Variants in POLR1A observed in about 807,000 individuals in gnomAD.
The protein encoded by POLR1A is DNA-directed RNA polymerase I subunit RPA1.
Under a neutral mutation model 205.3 loss-of-function variants are expected in POLR1A, and 84 were observed. That is an observed-to-expected ratio of 0.41 (90% CI 0.34 to 0.49). The LOEUF (loss-of-function observed/expected upper bound fraction) is 0.49. Ranked by LOEUF, POLR1A falls within the 20% of genes least tolerant of loss-of-function variation. POLR1A has a pLI of 0.22. For missense variants in POLR1A, 1,645 were observed against 2,204.5 expected (o/e 0.75, Z 5.08); for synonymous variants, 799 against 863.7 (o/e 0.93, Z 1.31).
chr2:86,028,667 T>C lies in POLR1A; in HGVS notation c.4824A>G (p.Ile1608Met), dbSNP rs35093541. Residue 1608 changes from isoleucine to methionine, a missense_variant, in exon 32 of 34, where the codon ATA becomes ATG. By Grantham distance (10) the Ile-to-Met change is conservative (BLOSUM62 1). Coordinates refer to ENST00000263857, the MANE Select transcript of POLR1A (RefSeq NM_015425.6). This position sits in a 1 kb window ranked among gnomAD's most constrained non-coding sequence, Gnocchi z 4.5. ...CGGCCTCAATGCCATACGTGTTGGC[T>C]ATGGCGTGGATGTCGTTGGAGTAGA... ...RRLYSNDIHA[I>M]ANTYGIEAAL... 2.4e-3 allele frequency: 3,798 copies of C among 1,614,160 alleles called. 81 individuals are homozygous for C. In the African/African-American group the frequency reaches 0.043, roughly 18 times the overall value.
Position 86,070,303 on chromosome 2 carries a change from G to C in POLR1A, c.1612-31C>G. On this transcript the variant is annotated intron_variant, in intron 12 of 33. Transcript: ENST00000263857. This position sits in a 1 kb window ranked among gnomAD's most constrained non-coding sequence, Gnocchi z 4.4. ...AACAGAGTGGACAGGTGGGTGATCA[G>C]TGCAAACGTCAGTATCACCACGGCT... 3.2e-6 allele frequency: 5 copies of C among 1,570,878 alleles called. No individual in the cohort carries two copies. The highest frequency in any genetic ancestry group is 4.3e-6 in the Non-Finnish European group (5 of 1,153,964).
chr2:86,088,765 G>C lies in POLR1A; in HGVS notation c.626+20C>G, dbSNP rs753399815. ...ACTGCCCAGAGACGTCTCACCTGGCGCAAGGGCCCTGATACTTACTTGCAG... is the reference window on the plus strand; with the variant it reads ...ACTGCCCAGAGACGTCTCACCTGGCCCAAGGGCCCTGATACTTACTTGCAG... On this transcript the variant is annotated intron_variant, in intron 5 of 33. Transcript: ENST00000263857. 6.2e-7 allele frequency: 1 copy of C among 1,608,020 alleles called. No individual in the cohort carries two copies. Among genetic ancestry groups the C allele is most frequent in the East Asian group, 2.2e-5 (1 of 44,846 alleles).
intron 24 of POLR1A, among the ~76,000 whole-genome samples, chr2:86,040,937 G>T (rs1672589559): frequency 6.6e-6 from 1 of 152,122 alleles, no homozygotes; most frequent in Non-Finnish European, 1.5e-5. Flanking sequence ...ACAATTTGGA[G>T]ACAGTTTAAA....
chr2:86,068,982 T>C (rs1383813360), intron 13 of POLR1A, among the ~76,000 whole-genome samples: 4 of 152,216 alleles, frequency 2.6e-5, no homozygotes, highest in Admixed American at 2.6e-4. Context: ...GCACAAACCC[T>C]AGGAAGATCC....
intron 6 of POLR1A, among the ~76,000 whole-genome samples, chr2:86,088,156 G>A (rs1246261896): frequency 6.6e-6 from 1 of 152,008 alleles, no homozygotes; most frequent in Non-Finnish European, 1.5e-5. Flanking sequence ...TGCAGGAGGC[G>A]CTCATGTTTT....
rs1458787958 is a variant in POLR1A, at chr2:86,070,679, T to A, written c.1612-407A>T. On this transcript the variant is annotated intron_variant, in intron 12 of 33. Coordinates refer to ENST00000263857, the MANE Select transcript of POLR1A (RefSeq NM_015425.6). The surrounding 1 kb of genome is among the most constrained non-coding windows in gnomAD (Gnocchi z 4.4). ...ATAAAACCACTGGGTTTGAAAGGCA[T>A]TGGCAGACTTTCGAATCCCCCCCCC... 2.9e-5 allele frequency among the ~76,000 whole-genome samples: 4 copies of A among 136,352 alleles called. No homozygotes were observed. The Admixed American group carries it at 3.3e-4, about 11-fold the overall frequency. The allele number at this position is 136,352 out of a possible 152,430, so 89.5% of individuals were successfully genotyped here.
chr2:86,050,809 T>A (rs1359602190), intron 16 of POLR1A, among the ~76,000 whole-genome samples: 1 of 152,202 alleles, frequency 6.6e-6, no homozygotes, highest in Non-Finnish European at 1.5e-5. Context: ...TGAGGTGTAG[T>A]CATCATGCTT....
intron 3 of POLR1A, among the ~76,000 whole-genome samples, chr2:86,097,022 C>CA (rs1673716293): frequency 6.6e-6 from 1 of 151,602 alleles, no homozygotes; most frequent in Non-Finnish European, 1.5e-5. Flanking sequence ...ATCTCAACAG[C>CA]AAAAATCCCA....
chr2:86,036,435 C>CT (rs1672497047), intron 27 of POLR1A, among the ~76,000 whole-genome samples: 1 of 151,888 alleles, frequency 6.6e-6, no homozygotes, highest in East Asian at 1.9e-4. Context: ...TCTCCAGGCT[C>CT]TGTCAAGGGT....
Position 86,030,292 on chromosome 2 carries a change from C to A in POLR1A, c.4683G>T (p.Arg1561=), listed in dbSNP as rs1232710277. ...AVIYATKGIT[R]CLLNETTNNK... is the part of the protein sequence containing the mutation. ...TGTTGGTTGTTTCATTCAGGAGGCACCGAGTGATGCCCTTGGTCGCATAGA... is the reference window on the plus strand; with the variant it reads ...TGTTGGTTGTTTCATTCAGGAGGCAACGAGTGATGCCCTTGGTCGCATAGA... The change falls in exon 31 of 34, where the codon CGG becomes CGT. Residue 1561 remains arginine, a synonymous_variant. Transcript: ENST00000263857. The A allele has an allele frequency of 8.1e-6, 13 of 1,613,902 alleles. No individual in the cohort carries two copies. The highest frequency in any genetic ancestry group is 1.1e-5 in the Non-Finnish European group (13 of 1,179,882).
At chr2:86,082,717 A>C (rs1246024000) in intron 7 of POLR1A, among the ~76,000 whole-genome samples, 3 of 152,238 alleles carry the variant, frequency 2.0e-5, no homozygotes, top group Non-Finnish European at 4.4e-5. Context: ...TCCCAATTTA[A>C]ATAAGACAGA....
intron 6 of POLR1A, among the ~76,000 whole-genome samples, chr2:86,084,243 G>A (rs1178390312): frequency 6.6e-6 from 1 of 151,990 alleles, no homozygotes; most frequent in Non-Finnish European, 1.5e-5. Context: ...TCCAGCCTGG[G>A]CAACAGAGCG....
chr2:86,071,241 T>C (rs976189717), intron 12 of POLR1A, among the ~76,000 whole-genome samples: 29 of 150,650 alleles, frequency 1.9e-4, no homozygotes, highest in African/African-American at 4.6e-4. Context: ...TGTGTGTGTG[T>C]GTGTGTGTGT....
intron 14 of POLR1A, among the ~76,000 whole-genome samples, chr2:86,055,296 AG>A (rs201044181): frequency 1.3e-5 from 2 of 152,210 alleles, no homozygotes; most frequent in African/African-American, 4.8e-5. Context: ...CTCTGTCTCA[AG>A]AAAAAAAAGA....
chr2:86,036,301 T>A (rs1310071739), intron 27 of POLR1A, among the ~76,000 whole-genome samples: 1 of 151,986 alleles, frequency 6.6e-6, no homozygotes, highest in East Asian at 1.9e-4. Context: ...CCACTTCATC[T>A]CCCCTGCCAC....
chr2:86,090,322 A>G (rs1307606495), intron 3 of POLR1A, among the ~76,000 whole-genome samples: 1 of 148,358 alleles, frequency 6.7e-6, no homozygotes, highest in Non-Finnish European at 1.5e-5. Context: ...TGGGAGGGGA[A>G]TGTTGCAGTG....
At chr2:86,081,193 C>G (rs1215285850) in intron 8 of POLR1A, among the ~76,000 whole-genome samples, 1 of 152,040 alleles carries the variant, frequency 6.6e-6, no homozygotes, top group East Asian at 1.9e-4. Flanking sequence ...GTCAGGAGTT[C>G]GAGACCAGCC....
chr2:86,100,067 T>C lies in POLR1A; in HGVS notation c.183A>G (p.Lys61=). The change falls in exon 2 of 34, where the codon AAA becomes AAG. Residue 61 remains lysine, a synonymous_variant. Coordinates refer to ENST00000263857, the MANE Select transcript of POLR1A (RefSeq NM_015425.6). ...CCTGCACGCAGGTGGAGCACACCTCTTTGGAATCTGCAGGGCCCAAAGCTA... is the reference window on the plus strand; with the variant it reads ...CCTGCACGCAGGTGGAGCACACCTCCTTGGAATCTGCAGGGCCCAAAGCTA... ...YDLALGPADS[K]EVCSTCVQDF... The C allele has an allele frequency of 6.2e-7, 1 of 1,614,170 alleles. No individual in the cohort carries two copies.
chr2:86,083,663 T>C (rs77361365), intron 6 of POLR1A, among the ~76,000 whole-genome samples: 3,799 of 152,320 alleles, frequency 0.025, 143 homozygotes, highest in African/African-American at 0.083. Context: ...ATTCTCATAA[T>C]TGGACATCTG....
Sources: allele counts gnomAD v4.1 joint callset (sites outside exome capture counted in the v4.1 genomes callset), GRCh38; gene constraint gnomAD v4.1.1; non-coding constraint Gnocchi (gnomAD v3.1); transcripts MANE v1.5; gene names NCBI Gene and HGNC (gene_info 2026-07-23, HGNC 2026-07-21).